CRYGB: variants seen among roughly 807,000 people sequenced by gnomAD.
CRYGB encodes gamma-crystallin B.
In CRYGB, 19 loss-of-function variants were observed where a neutral mutation model predicts 21.3. That is an observed-to-expected ratio of 0.89 (90% CI 0.62 to 1.31). The LOEUF (loss-of-function observed/expected upper bound fraction) is 1.31. Ranked by LOEUF, CRYGB falls within the 50% of genes most tolerant of loss-of-function variation. The probability of loss-of-function intolerance (pLI) is 0.00; values close to 1 mark genes in which losing one functional copy is unlikely to be tolerated. For synonymous variants in CRYGB, 81 were observed against 81.2 expected (o/e 1.00, Z 0.01); for missense variants, 254 against 228.4 (o/e 1.11, Z -0.72).
rs797075 is a variant in CRYGB, at chr2:208,145,506, T to C, written c.252+268A>G. ...GAGTTCGAGATCAGCCTGGGCAACA[T>C]GGTGCAACCTCGTCTCTACTATGAA... On this transcript the variant is annotated intron_variant, in intron 2 of 2. Coordinates refer to ENST00000260988, the MANE Select transcript of CRYGB (RefSeq NM_005210.4). 0.22 allele frequency among the ~76,000 whole-genome samples: 33,366 copies of C among 151,612 alleles called. 3,852 individuals are homozygous for C. The highest frequency in any genetic ancestry group is 0.3 in the East Asian group (1,559 of 5,112).
At chr2:208,143,271 G>A (rs139231795) in intron 2 of CRYGB, among the ~76,000 whole-genome samples, 3 of 152,234 alleles carry the variant, frequency 2.0e-5, no homozygotes, top group Non-Finnish European at 4.4e-5. Flanking sequence ...ATAAATCTTG[G>A]GACCTCAAAA....
Position 208,145,761 on chromosome 2 carries a change from G to C in CRYGB, c.252+13C>G. The C allele has an allele frequency of 1.2e-6, 2 of 1,603,418 alleles. No individual in the cohort carries two copies. The highest frequency in any genetic ancestry group is 1.7e-6 in the Non-Finnish European group (2 of 1,173,552). Reference sequence around the variant, plus strand: ...TCCAAAAAGATGGAAGGCAAAGACAGAGCCACACTCACCGGGGGGATGAGG... The same window carrying C: ...TCCAAAAAGATGGAAGGCAAAGACACAGCCACACTCACCGGGGGGATGAGG... On this transcript the variant is annotated intron_variant, in intron 2 of 2. Coordinates refer to ENST00000260988, the MANE Select transcript of CRYGB (RefSeq NM_005210.4).
chr2:208,145,857 A>C lies in CRYGB; in HGVS notation c.169T>G (p.Phe57Val), dbSNP rs1235192626. 1 of 1,614,124 alleles carries C rather than the reference A, an allele frequency of 6.2e-7. No individual in the cohort carries two copies. Among genetic ancestry groups the C allele is most frequent in the Non-Finnish European group, 8.5e-7 (1 of 1,180,020 alleles). ...ERPNYQGHQY[F>V]LRRGEYPDYQ... ...TCAGGGTACTCCCCACGCCGCAGGA[A>C]GTACTGGTGGCCCTGGTAGTTGGGG... Residue 57 changes from phenylalanine (F) to valine (V), a missense_variant, in exon 2 of 3, where the codon TTC becomes GTC. Transcript: ENST00000260988.
Position 208,145,990 on chromosome 2 carries a change from G to A in CRYGB, c.36C>T (p.Phe12=), listed in dbSNP as rs754224458. 11 of 1,614,108 alleles carry A rather than the reference G, an allele frequency of 6.8e-6. No homozygotes were observed. In the South Asian group the frequency reaches 1.1e-4, roughly 16 times the overall value. Residue 12 remains phenylalanine (F), a synonymous_variant, in exon 2 of 3, where the codon TTC becomes TTT. Coordinates refer to ENST00000260988, the MANE Select transcript of CRYGB (RefSeq NM_005210.4). ...GKITFYEDRA[F]QGRSYECTTD... ...TGGTGCATTCGTAGCTGCGGCCCTG[G>A]AAGGCCCTGTCCTCGTAGAAGGTGA...
rs563268694 is a variant in CRYGB at position 208,144,432 on chromosome 2, C to A, written c.252+1342G>T. Among the ~76,000 whole-genome samples, 15 of 151,140 alleles carry A rather than the reference C, an allele frequency of 9.9e-5. No individual in the cohort carries two copies. In the South Asian group the frequency reaches 3.1e-3, roughly 32 times the overall value. ...ATGTATTTGTTTCTTGAGACAGGGT[C>A]TCCCTCTGTCACCTAGGCTGGAGTG... On this transcript the variant is annotated intron_variant, in intron 2 of 2. Transcript: ENST00000260988.
chr2:208,145,922 G>A lies in CRYGB; in HGVS notation c.104C>T (p.Ser35Phe), dbSNP rs889299651. Residue 35 changes from serine to phenylalanine, a missense_variant, in exon 2 of 3, where the codon TCC (serine) becomes TTC (phenylalanine). Transcript: ENST00000260988. Reference sequence around the variant, plus strand: ...CCAGCAGCCGCTCTCCACCCTGATGGAGTTGCAGCGGCTGAAATAGGGTTG... The same window carrying A: ...CCAGCAGCCGCTCTCCACCCTGATGAAGTTGCAGCGGCTGAAATAGGGTTG... ...NLQPYFSRCNSIRVESGCWMI... is the reference protein window; with the variant it reads ...NLQPYFSRCNFIRVESGCWMI... The A allele has an allele frequency of 1.2e-6, 2 of 1,614,020 alleles. No homozygotes were observed. The highest frequency in any genetic ancestry group is 2.7e-5 in the African/African-American group (2 of 74,902).
At chr2:208,143,584 C>T (rs1292754960) in intron 2 of CRYGB, among the ~76,000 whole-genome samples, 1 of 139,724 alleles carries the variant, frequency 7.2e-6, no homozygotes, top group East Asian at 2.0e-4. Context: ...CTCACTGCAA[C>T]CTCCACCTTC....
chr2:208,142,938 A>C (rs374899271), intron 2 of CRYGB, 25 bp from the exon 3 acceptor site: 1 of 1,560,812 alleles, frequency 6.4e-7, no homozygotes, highest in Non-Finnish European at 8.7e-7. Flanking sequence ...AGAAAACGCA[A>C]GAGTAAACAA....
In CRYGB at chr2:208,145,959, A is replaced by AG. The variant is rs750638141; in HGVS notation, c.66dup (p.Cys23LeufsTer25). On this transcript the variant is annotated frameshift_variant, in exon 2 of 3. Transcript: ENST00000260988. LOFTEE classifies it high-confidence loss of function. ...CTGAAATAGGGTTGTAGGTTGGGGC[A>AG]GTCAGTGGTGCATTCGTAGCTGCGG... 26 of 1,614,186 alleles carry AG rather than the reference A, an allele frequency of 1.6e-5. No homozygotes were observed. Among genetic ancestry groups the AG allele is most frequent in the Non-Finnish European group, 2.1e-5 (25 of 1,180,014 alleles).
chr2:208,144,022 G>GTTTT (rs4021949), intron 2 of CRYGB, among the ~76,000 whole-genome samples: 52,665 of 133,378 alleles, frequency 0.39, 11,058 homozygotes, highest in South Asian at 0.5. Context: ...TTCTTTCTGG[G>GTTTT]TTTTTTTTTT....
Sources: allele counts gnomAD v4.1 joint callset (sites outside exome capture counted in the v4.1 genomes callset), GRCh38; gene constraint gnomAD v4.1.1; transcripts MANE v1.5; gene names NCBI Gene and HGNC (gene_info 2026-07-23, HGNC 2026-07-21).